The following GRAMD2B variants were observed in gnomAD, a reference collection of about 807,000 sequenced individuals.
GRAMD2B encodes the protein GRAM domain-containing protein 2B.
A neutral mutation model predicts 59.2 loss-of-function variants in GRAMD2B; 41 were observed. That is an observed-to-expected ratio of 0.69 (90% CI 0.54 to 0.90). The LOEUF (loss-of-function observed/expected upper bound fraction) is 0.90. Among genes scored for constraint, GRAMD2B ranks in the 40% least tolerant of loss-of-function variants. The probability of loss-of-function intolerance (pLI) is 0.00; values close to 1 mark genes in which losing one functional copy is unlikely to be tolerated. For missense variants in GRAMD2B, 424 were observed against 500.5 expected (o/e 0.85, Z 1.46); for synonymous variants, 161 against 182.7 (o/e 0.88, Z 0.96).
chr5:126,403,739 T>C (rs1160212516), intron 1 of GRAMD2B, among the ~76,000 whole-genome samples: 1 of 151,932 alleles, frequency 6.6e-6, no homozygotes, highest in Non-Finnish European at 1.5e-5. Flanking sequence ...GCAACTTATA[T>C]CTCCACACAC....
chr5:126,458,308 G>A (rs1351133071), intron 1 of GRAMD2B, among the ~76,000 whole-genome samples: 4 of 152,016 alleles, frequency 2.6e-5, no homozygotes, highest in East Asian at 1.9e-4. Flanking sequence ...GGTGTTGTGC[G>A]CCTGTAATCC....
rs559371722 is a variant in GRAMD2B at position 126,445,842 on chromosome 5, GT to G, written c.84-19582del. ...CAAGAGAGCCGAATCTGACTCAGGT[GT>G]TGAGATTGGGGAATGGCATTTCCAT... On this transcript the variant is annotated intron_variant, in intron 1 of 13. Coordinates refer to ENST00000285689, the MANE Select transcript of GRAMD2B (RefSeq NM_023927.4). 8.0e-4 allele frequency among the ~76,000 whole-genome samples: 122 copies of G among 152,318 alleles called. No homozygotes were observed. The Middle Eastern group carries it at 0.017, about 21-fold the overall frequency.
intron 1 of GRAMD2B, among the ~76,000 whole-genome samples, chr5:126,423,944 A>C (rs1760125818): frequency 6.6e-6 from 1 of 152,246 alleles, no homozygotes; most frequent in Non-Finnish European, 1.5e-5. Flanking sequence ...GATGTTGGGA[A>C]AATAATTTTG....
intron 1 of GRAMD2B, among the ~76,000 whole-genome samples, chr5:126,373,890 A>T (rs769489391): frequency 6.6e-6 from 1 of 152,204 alleles, no homozygotes; most frequent in Non-Finnish European, 1.5e-5. Context: ...AATCAGAGAG[A>T]TAAACAGATG....
Position 126,465,464 on chromosome 5 carries a change from C to T in GRAMD2B, c.122C>T (p.Ala41Val), listed in dbSNP as rs1227820894. 6.2e-7 allele frequency: 1 copy of T among 1,614,128 alleles called. No individual in the cohort carries two copies. The highest frequency in any genetic ancestry group is 1.7e-5 in the Admixed American group (1 of 60,020). ...AATGGTGTGGAGGAGAAAAAGAAAGCCTGCAGGTCGCCAACAGCCCAATCC... is the reference window on the plus strand; with the variant it reads ...AATGGTGTGGAGGAGAAAAAGAAAGTCTGCAGGTCGCCAACAGCCCAATCC... ...AENGVEEKKK[A>V]CRSPTAQSPT... The change falls in exon 2 of 14, where the codon GCC becomes GTC. Residue 41 changes from alanine to valine, a missense_variant. By Grantham distance (64) the Ala-to-Val change is moderately conservative. Coordinates refer to ENST00000285689, the MANE Select transcript of GRAMD2B (RefSeq NM_023927.4).
At chr5:126,387,354 C>T (rs765581151) in intron 1 of GRAMD2B, among the ~76,000 whole-genome samples, 26 of 151,578 alleles carry the variant, frequency 1.7e-4, no homozygotes, top group Non-Finnish European at 8.8e-5. Context: ...CCCAACATTG[C>T]TACTGGTTTA....
chr5:126,429,436 A>G (rs528896870), intron 1 of GRAMD2B, among the ~76,000 whole-genome samples: 2 of 152,266 alleles, frequency 1.3e-5, no homozygotes, highest in East Asian at 3.9e-4. Context: ...AATGGGTACT[A>G]GGTTTAATAC....
rs1343015575 is a variant in GRAMD2B, at chr5:126,423,463, C to G, written c.-144C>G. 7.0e-7 allele frequency: 1 copy of G among 1,434,270 alleles called. No homozygotes were observed. Among genetic ancestry groups the G allele is most frequent in the African/African-American group, 1.5e-5 (1 of 65,700 alleles). 88.8% of individuals were successfully genotyped at this position (1,434,270 alleles called of 1,614,324 possible). A position where few individuals can be genotyped will look rare whatever the true frequency, so the allele number is the denominator to read the frequency against. The stretch of plus-strand genomic sequence containing the variant: ...CGCGGCCCCGGGAGCTTGGCGCGGC[C>G]CGGCCTGGATGCGCTGGGCGGAGGG... On this transcript the variant is annotated 5_prime_UTR_variant, in exon 1 of 14. Transcript: ENST00000285689.
chr5:126,367,643 C>A (rs541354193), upstream of GRAMD2B, among the ~76,000 whole-genome samples: 1 of 152,178 alleles, frequency 6.6e-6, no homozygotes, highest in African/African-American at 2.4e-5. Context: ...AGACTACATT[C>A]TTTGAATTAT....
intron 1 of GRAMD2B, among the ~76,000 whole-genome samples, chr5:126,438,574 G>A (rs1762785873): frequency 6.6e-6 from 1 of 152,178 alleles, no homozygotes; most frequent in African/African-American, 2.4e-5. Flanking sequence ...TGTTTCATCA[G>A]GGGCTTGAGG....
chr5:126,402,188 G>T (rs1757896733), intron 1 of GRAMD2B, among the ~76,000 whole-genome samples: 1 of 152,016 alleles, frequency 6.6e-6, no homozygotes, highest in Non-Finnish European at 1.5e-5. Context: ...TATCTGTAGG[G>T]CTTCTACCAG....
At chr5:126,432,703 C>A (rs549282738) in intron 1 of GRAMD2B, among the ~76,000 whole-genome samples, 1 of 152,164 alleles carries the variant, frequency 6.6e-6, no homozygotes, top group Non-Finnish European at 1.5e-5. Context: ...TCTTTTCCTC[C>A]CGCTCTCCCT....
upstream of GRAMD2B, among the ~76,000 whole-genome samples, chr5:126,367,746 T>A (rs1439303350): frequency 6.6e-6 from 1 of 152,140 alleles, no homozygotes; most frequent in Non-Finnish European, 1.5e-5. Context: ...CAGAAGATTT[T>A]CTTTTCTTTT....
upstream of GRAMD2B, among the ~76,000 whole-genome samples, chr5:126,370,789 GTTTGGGTA>G (rs1754710886): frequency 6.6e-6 from 1 of 152,158 alleles, no homozygotes; most frequent in African/African-American, 2.4e-5. Context: ...TGTTGTTACT[GTTTGGGTA>G]CAAGTCACAG....
chr5:126,474,619 G>A (rs1181054408), intron 5 of GRAMD2B, among the ~76,000 whole-genome samples: 1 of 152,164 alleles, frequency 6.6e-6, no homozygotes, highest in African/African-American at 2.4e-5. Flanking sequence ...GGAATTCATA[G>A]AGAGCCAACA....
intron 1 of GRAMD2B, among the ~76,000 whole-genome samples, chr5:126,361,635 G>C (rs754959270): frequency 1.6e-4 from 24 of 151,838 alleles, no homozygotes; most frequent in Non-Finnish European, 3.5e-4. Flanking sequence ...AATCTAACAA[G>C]AAACACTGAA....
At chr5:126,466,197 C>T in intron 2 of GRAMD2B, 3 of 1,521,536 alleles carry the variant, frequency 2.0e-6, no homozygotes, top group Non-Finnish European at 2.6e-6. Context: ...TGGTCCTTCA[C>T]CATTATTAGA....
At chr5:126,444,501 A>C (rs1211936223) in intron 1 of GRAMD2B, among the ~76,000 whole-genome samples, 1 of 152,212 alleles carries the variant, frequency 6.6e-6, no homozygotes, top group Admixed American at 6.5e-5. Flanking sequence ...TTTGAAGTAT[A>C]TGTTTATGAT....
Position 126,394,223 on chromosome 5 carries a change from C to T in GRAMD2B, c.125+22656C>T, listed in dbSNP as rs187191210. Among the ~76,000 whole-genome samples, 15 of 149,972 alleles carry T rather than the reference C, an allele frequency of 1.0e-4. No homozygotes were observed. The South Asian group carries it at 1.9e-3, about 19-fold the overall frequency. On this transcript the variant is annotated intron_variant, in intron 1 of 8. Transcript: ENST00000506445. ...CCGGGAGGCAGAGCTTGCAGTGAGG[C>T]GAGATGGCGCCACTGCAGTCCAGCC...
Sources: allele counts gnomAD v4.1 joint callset (sites outside exome capture counted in the v4.1 genomes callset), GRCh38; gene constraint gnomAD v4.1.1; transcripts MANE v1.5; gene names NCBI Gene and HGNC (gene_info 2026-07-23, HGNC 2026-07-21).